GPR176: variants seen among roughly 807,000 people sequenced by gnomAD.
GPR176 encodes the protein G-protein coupled receptor 176.
A neutral mutation model predicts 35.4 loss-of-function variants in GPR176; 26 were observed. The ratio of observed to expected loss-of-function variants is 0.74; its 90% CI spans 0.54 to 1.02. The LOEUF (loss-of-function observed/expected upper bound fraction) is 1.02, where lower values mean the gene tolerates loss of function less well. Ranked by LOEUF, GPR176 falls within the 50% of genes least tolerant of loss-of-function variation. The pLI is 0.00. For missense variants in GPR176, 597 were observed against 665.3 expected (o/e 0.90, Z 1.13); for synonymous variants, 278 against 271.3 (o/e 1.02, Z -0.24).
intron 1 of GPR176, among the ~76,000 whole-genome samples, chr15:39,817,716 G>A (rs942341303): frequency 2.6e-5 from 4 of 151,806 alleles, no homozygotes; most frequent in African/African-American, 4.9e-5. Flanking sequence ...GAGAGAGAGC[G>A]AGGGAAAGAC....
chr15:39,846,312 T>C (rs747049799), intron 1 of GPR176, among the ~76,000 whole-genome samples: 16 of 152,228 alleles, frequency 1.1e-4, no homozygotes, highest in Non-Finnish European at 1.8e-4. Context: ...TTCCTGGGCA[T>C]AGGCCAAGCT....
chr15:39,823,298 T>A (rs748050047), intron 1 of GPR176, among the ~76,000 whole-genome samples: 1 of 152,184 alleles, frequency 6.6e-6, no homozygotes, highest in Non-Finnish European at 1.5e-5. Flanking sequence ...CTCACAATCA[T>A]CTTGGACTTA....
intron 1 of GPR176, among the ~76,000 whole-genome samples, chr15:39,842,408 C>T (rs922534663): frequency 6.6e-6 from 1 of 152,100 alleles, no homozygotes; most frequent in East Asian, 1.9e-4. Flanking sequence ...ATGATCCAAT[C>T]ACCTCCCAAC....
At chr15:39,872,958 T>C (rs1047048396) in intron 1 of GPR176, among the ~76,000 whole-genome samples, 2 of 102,642 alleles carry the variant, frequency 1.9e-5, no homozygotes, top group Non-Finnish European at 4.0e-5. Context: ...TGTGTGTGTG[T>C]GTGTGTGTAA....
intron 1 of GPR176, among the ~76,000 whole-genome samples, chr15:39,854,607 C>T (rs1196188225): frequency 1.3e-5 from 2 of 152,086 alleles, no homozygotes; most frequent in African/African-American, 4.8e-5. Context: ...TAGCCCATAC[C>T]AAGAGTTCTG....
chr15:39,906,931 C>T (rs62002533), intron 1 of GPR176, among the ~76,000 whole-genome samples: 34,644 of 152,180 alleles, frequency 0.23, 4,508 homozygotes, highest in Non-Finnish European at 0.3. Context: ...GAAATAAAGT[C>T]CCAGTTCTCA....
At chr15:39,875,649 T>C (rs911608076) in intron 1 of GPR176, among the ~76,000 whole-genome samples, 7 of 152,258 alleles carry the variant, frequency 4.6e-5, no homozygotes, top group Non-Finnish European at 1.0e-4. Context: ...GGTCAAATCC[T>C]GACTTGCAAT....
chr15:39,905,890 T>G (rs1011476643), intron 1 of GPR176, among the ~76,000 whole-genome samples: 5 of 152,164 alleles, frequency 3.3e-5, no homozygotes, highest in South Asian at 2.1e-4. Flanking sequence ...GAGGGCAATG[T>G]CCTGGTTGTT....
chr15:39,828,085 C>T (rs1900804702), intron 1 of GPR176, among the ~76,000 whole-genome samples: 2 of 152,208 alleles, frequency 1.3e-5, no homozygotes, highest in Admixed American at 1.3e-4. Flanking sequence ...CCTAGCTAGC[C>T]TGGTGGTGAA....
chr15:39,841,944 T>G (rs1278524998), intron 1 of GPR176, among the ~76,000 whole-genome samples: 1 of 152,086 alleles, frequency 6.6e-6, no homozygotes, highest in Non-Finnish European at 1.5e-5. Flanking sequence ...ACATTAAGAT[T>G]AAAGCTCTCA....
intron 1 of GPR176, among the ~76,000 whole-genome samples, chr15:39,876,098 C>T (rs2032235416): frequency 6.6e-6 from 1 of 151,730 alleles, no homozygotes; most frequent in South Asian, 2.1e-4. Flanking sequence ...CTGCAGTGAG[C>T]CACGATCCTG....
intron 1 of GPR176, among the ~76,000 whole-genome samples, chr15:39,915,532 A>AT (rs1296331834): frequency 6.6e-6 from 1 of 152,144 alleles, no homozygotes; most frequent in African/African-American, 2.4e-5. Flanking sequence ...AGAACCATAC[A>AT]TTTTGCGGTC....
intron 1 of GPR176, among the ~76,000 whole-genome samples, chr15:39,851,606 A>G (rs2030870270): frequency 6.6e-6 from 1 of 152,202 alleles, no homozygotes; most frequent in South Asian, 2.1e-4. Flanking sequence ...TCCAGAACTC[A>G]GTCTTTTCTG....
chr15:39,912,025 T>C (rs570217494), intron 1 of GPR176, among the ~76,000 whole-genome samples: 1 of 152,314 alleles, frequency 6.6e-6, no homozygotes, highest in African/African-American at 2.4e-5. Flanking sequence ...GGAATACAGA[T>C]ACTGCTAACT....
chr15:39,910,899 G>A (rs966122626), intron 1 of GPR176, among the ~76,000 whole-genome samples: 22 of 152,082 alleles, frequency 1.4e-4, no homozygotes, highest in African/African-American at 4.3e-4. Context: ...TTAGCCAGGC[G>A]TGGTGGCATG....
chr15:39,879,518 C>T (rs923427621), intron 1 of GPR176, among the ~76,000 whole-genome samples: 6 of 152,208 alleles, frequency 3.9e-5, no homozygotes, highest in African/African-American at 1.4e-4. Context: ...TACTCTCAAA[C>T]CCTCATGCCC....
chr15:39,919,821 G>A (rs769184865), intron 1 of GPR176, 34 bp downstream of exon 1: 4 of 1,367,596 alleles, frequency 2.9e-6, no homozygotes, highest in Non-Finnish European at 3.8e-6. Context: ...CCCTCGGGGA[G>A]GCCCGGTCCG....
intron 1 of GPR176, among the ~76,000 whole-genome samples, chr15:39,871,945 C>A (rs936526143): frequency 3.9e-5 from 6 of 152,192 alleles, no homozygotes; most frequent in Non-Finnish European, 4.4e-5. Context: ...CATAAATAAA[C>A]CCTGAATTAG....
At chr15:39,915,360 A>T (rs1186819024) in intron 1 of GPR176, among the ~76,000 whole-genome samples, 2 of 152,124 alleles carry the variant, frequency 1.3e-5, no homozygotes, top group East Asian at 3.9e-4. Context: ...TACTAATTCC[A>T]TCTTGAGAAC....
Sources: allele counts gnomAD v4.1 joint callset (sites outside exome capture counted in the v4.1 genomes callset), GRCh38; gene constraint gnomAD v4.1.1; transcripts MANE v1.5; gene names NCBI Gene and HGNC (gene_info 2026-07-23, HGNC 2026-07-21).